UTRN: variants seen among roughly 807,000 people sequenced by gnomAD.
The protein encoded by UTRN is utrophin.
A neutral mutation model predicts 463.9 loss-of-function variants in UTRN; 283 were observed. That is an observed-to-expected ratio of 0.61 (90% confidence interval 0.55 to 0.67). The LOEUF is 0.67. UTRN is among the 30% of genes least tolerant of loss of function. The pLI, the probability that UTRN is intolerant of heterozygous loss-of-function variation, is 0.00. For synonymous variants in UTRN, 1,442 were observed against 1,431.5 expected (o/e 1.01, Z -0.17); for missense variants, 3,922 against 4,084.3 (o/e 0.96, Z 1.08).
chr6:144,376,771 A>G (rs1234732285), intron 2 of UTRN, among the ~76,000 whole-genome samples: 2 of 152,338 alleles, frequency 1.3e-5, no homozygotes, highest in Middle Eastern at 3.4e-3. Flanking sequence ...TAAAATTGCT[A>G]TAGGTGCCTG....
At chr6:144,594,779 A>G (rs1037944477) in intron 51 of UTRN, among the ~76,000 whole-genome samples, 32 of 151,982 alleles carry the variant, frequency 2.1e-4, no homozygotes, top group African/African-American at 7.7e-4. Context: ...GTCATTTCCT[A>G]TTTCTTCCCA....
intron 2 of UTRN, among the ~76,000 whole-genome samples, chr6:144,396,971 C>G (rs948660373): frequency 6.6e-6 from 1 of 152,158 alleles, no homozygotes; most frequent in Non-Finnish European, 1.5e-5. Context: ...TCTGGCCAGG[C>G]ACAGTGGCTC....
chr6:144,437,477 T>A (rs980847671), intron 10 of UTRN, 88 bp from the exon 11 acceptor site: 10 of 1,314,792 alleles, frequency 7.6e-6, no homozygotes, highest in Non-Finnish European at 9.1e-6. Flanking sequence ...ATCACTGACA[T>A]TTAGGTTAGG....
At position 144,388,193 on chromosome 6, in the gene UTRN, G is replaced by A. The variant is rs188726789; in HGVS notation, c.80-14930G>A. Among the ~76,000 whole-genome samples the A allele has an allele frequency of 6.6e-5, 10 of 152,320 alleles. 1 individual carries two copies. The Middle Eastern group carries it at 0.014, about 207-fold the overall frequency. On this transcript the variant is annotated intron_variant, in intron 2 of 74. Coordinates refer to ENST00000367545, the MANE Select transcript of UTRN (RefSeq NM_007124.3). ...GGCTTTCTGTCATACGTACACTTAC[G>A]TATAAGTGAAGCACTGTGTATATTC...
intron 51 of UTRN, among the ~76,000 whole-genome samples, chr6:144,635,262 C>T (rs575121730): frequency 1.9e-3 from 288 of 151,322 alleles, no homozygotes; most frequent in African/African-American, 6.6e-3. Context: ...GCGATCCTCC[C>T]ACCTCTGCCT....
At chr6:144,455,492 G>A (rs1788726724) in intron 19 of UTRN, among the ~76,000 whole-genome samples, 1 of 152,120 alleles carries the variant, frequency 6.6e-6, no homozygotes. Context: ...TGTACCTGGT[G>A]ACTCTGACTT....
intron 41 of UTRN, among the ~76,000 whole-genome samples, chr6:144,530,603 T>C (rs1796958489): frequency 6.6e-6 from 1 of 152,334 alleles, no homozygotes; most frequent in Admixed American, 6.5e-5. Flanking sequence ...AATCATATTT[T>C]ATATTTCACA....
chr6:144,479,003 G>A (rs1327802743), intron 25 of UTRN, among the ~76,000 whole-genome samples: 1 of 151,516 alleles, frequency 6.6e-6, no homozygotes, highest in Non-Finnish European at 1.5e-5. Context: ...ATAGAGCGGT[G>A]TCTTATGACA....
At chr6:144,696,617 T>G (rs1165156783) in intron 52 of UTRN, among the ~76,000 whole-genome samples, 2 of 152,220 alleles carry the variant, frequency 1.3e-5, no homozygotes, top group African/African-American at 4.8e-5. Context: ...AAAGGTATTT[T>G]CTTTCATTAT....
At chr6:144,826,487 C>G (rs2128755746) in intron 66 of UTRN, among the ~76,000 whole-genome samples, 1 of 152,122 alleles carries the variant, frequency 6.6e-6, no homozygotes, top group East Asian at 1.9e-4. Context: ...ACTCTCCTTC[C>G]TCCTCAAAAA....
At chr6:144,762,740 G>A (rs1792850629) in intron 58 of UTRN, among the ~76,000 whole-genome samples, 1 of 152,162 alleles carries the variant, frequency 6.6e-6, no homozygotes, top group African/African-American at 2.4e-5. Context: ...GAAGATTTCT[G>A]TCAACTGGTA....
At chr6:144,499,559 C>G in intron 34 of UTRN, 132 bp downstream of exon 34, 1 of 588,184 alleles carries the variant, frequency 1.7e-6, no homozygotes, top group Non-Finnish European at 2.6e-6. Flanking sequence ...ATTGTTTTTC[C>G]ACTTCTCTGT....
At chr6:144,824,541 CAT>C (rs1779911643) in intron 66 of UTRN, among the ~76,000 whole-genome samples, 1 of 80,920 alleles carries the variant, frequency 1.2e-5, no homozygotes, top group Non-Finnish European at 2.5e-5. Context: ...AAATATAATA[CAT>C]ATGTATATAT....
At chr6:144,460,068 A>G (rs931563398) in intron 21 of UTRN, among the ~76,000 whole-genome samples, 74 of 147,148 alleles carry the variant, frequency 5.0e-4, no homozygotes, top group African/African-American at 1.6e-3. Flanking sequence ...GCCACTTAAT[A>G]TCATTGCTAG....
intron 3 of UTRN, among the ~76,000 whole-genome samples, chr6:144,405,472 C>T (rs566157543): frequency 4.0e-4 from 61 of 151,354 alleles, no homozygotes; most frequent in African/African-American, 1.3e-3. Flanking sequence ...CTAGGTAATG[C>T]GAGGATAGAA....
chr6:144,455,341 C>T (rs1255794198), intron 19 of UTRN, among the ~76,000 whole-genome samples: 2 of 152,166 alleles, frequency 1.3e-5, no homozygotes, highest in Non-Finnish European at 2.9e-5. Context: ...TTGGAGGTTA[C>T]TCTTTCCAGT....
intron 41 of UTRN, among the ~76,000 whole-genome samples, chr6:144,526,692 T>G (rs1056690570): frequency 6.6e-6 from 1 of 152,040 alleles, no homozygotes; most frequent in Non-Finnish European, 1.5e-5. Flanking sequence ...ATGTTATTAT[T>G]GAGATATGAG....
At chr6:144,751,742 A>T (rs1008867552) in intron 55 of UTRN, 64 bp from the exon 56 acceptor site, 1 of 1,458,884 alleles carries the variant, frequency 6.9e-7, no homozygotes, top group Non-Finnish European at 9.2e-7. Flanking sequence ...TTATTTAAGG[A>T]TCAACTGTAT....
At chr6:144,844,580 T>C (rs1781866990) in intron 73 of UTRN, among the ~76,000 whole-genome samples, 1 of 152,158 alleles carries the variant, frequency 6.6e-6, no homozygotes, top group Non-Finnish European at 1.5e-5. Context: ...CAATACATGT[T>C]TCTGACTTGA....
Sources: gnomAD v4.1 joint callset for allele counts (sites outside exome capture counted in the v4.1 genomes callset) on GRCh38, gnomAD v4.1.1 for gene constraint, MANE v1.5 for transcripts, NCBI Gene and HGNC (gene_info 2026-07-23, HGNC 2026-07-21) for gene names.